CCSER1: variants seen among roughly 807,000 people sequenced by gnomAD.
CCSER1 encodes serine-rich coiled-coil domain-containing protein 1.
Under a neutral mutation model 82.0 loss-of-function variants are expected in CCSER1, and 41 were observed. The ratio of observed to expected loss-of-function variants is 0.50; its 90% CI spans 0.39 to 0.65. The LOEUF is 0.65. CCSER1 is among the 30% of genes least tolerant of loss of function. CCSER1 has a pLI of 0.00. For missense variants in CCSER1, 1,119 were observed against 1,064.2 expected (o/e 1.05, Z -0.72); for synonymous variants, 414 against 383.9 (o/e 1.08, Z -0.92).
intron 10 of CCSER1, among the ~76,000 whole-genome samples, chr4:91,451,058 G>A (rs532790084): frequency 1.7e-4 from 25 of 144,984 alleles, no homozygotes; most frequent in African/African-American, 6.3e-4. Context: ...GGCAGATTCA[G>A]TGTCCGGTGA....
chr4:91,021,041 CCCTT>C (rs1739913457), intron 9 of CCSER1, among the ~76,000 whole-genome samples: 1 of 152,036 alleles, frequency 6.6e-6, no homozygotes, highest in Non-Finnish European at 1.5e-5. Flanking sequence ...ACAGGTAACT[CCCTT>C]CCATTATGAG....
intron 8 of CCSER1, among the ~76,000 whole-genome samples, chr4:90,858,256 T>C (rs1764683533): frequency 6.6e-6 from 1 of 152,058 alleles, no homozygotes; most frequent in South Asian, 2.1e-4. Flanking sequence ...AAGAACGTAG[T>C]TGCCCACATT....
At chr4:91,084,858 T>G (rs1723202694) in intron 9 of CCSER1, among the ~76,000 whole-genome samples, 1 of 151,982 alleles carries the variant, frequency 6.6e-6, no homozygotes, top group African/African-American at 2.4e-5. Flanking sequence ...ATCTAAACAA[T>G]CAAGAAATGA....
At chr4:91,379,642 T>C (rs1750717507) in intron 10 of CCSER1, among the ~76,000 whole-genome samples, 1 of 152,192 alleles carries the variant, frequency 6.6e-6, no homozygotes, top group African/African-American at 2.4e-5. Context: ...TTCTTCTCTC[T>C]GCTTTATTCA....
chr4:90,404,473 C>G (rs146723056), intron 4 of CCSER1, among the ~76,000 whole-genome samples: 2 of 152,274 alleles, frequency 1.3e-5, no homozygotes, highest in East Asian at 3.9e-4. Context: ...AACCAAGTGT[C>G]CCTAGGGCAA....
intron 7 of CCSER1, among the ~76,000 whole-genome samples, chr4:90,810,182 G>C (rs1010107812): frequency 2.6e-5 from 4 of 152,038 alleles, no homozygotes; most frequent in African/African-American, 9.7e-5. Context: ...AGCTAGTCTT[G>C]AAGTCCTGGG....
chr4:90,657,528 C>T (rs544009291), intron 6 of CCSER1, among the ~76,000 whole-genome samples: 25 of 152,146 alleles, frequency 1.6e-4, no homozygotes, highest in Admixed American at 7.9e-4. Context: ...GATGTTACAC[C>T]GTATACCGTG....
chr4:91,297,058 G>C lies in CCSER1; in HGVS notation c.2217+211064G>C, dbSNP rs76793347. 9.1e-3 allele frequency among the ~76,000 whole-genome samples: 1,376 copies of C among 151,808 alleles called. 14 individuals are homozygous for C. Among genetic ancestry groups the C allele is most frequent in the Middle Eastern group, 0.044 (13 of 294 alleles). ...TATAGAGATGAGTGTATCCCAGGCAGAAGACAAAATTAAGCAAAGAATGTA... is the reference window on the plus strand; with the variant it reads ...TATAGAGATGAGTGTATCCCAGGCACAAGACAAAATTAAGCAAAGAATGTA... On this transcript the variant is annotated intron_variant, in intron 10 of 10. Transcript: ENST00000509176.
intron 9 of CCSER1, among the ~76,000 whole-genome samples, chr4:90,957,165 C>T (rs1213712610): frequency 6.6e-5 from 9 of 135,462 alleles, no homozygotes; most frequent in South Asian, 2.3e-4. Context: ...TGCAGTGGCG[C>T]GATCTCGGCT....
At chr4:90,567,174 T>C (rs1336286101) in intron 5 of CCSER1, among the ~76,000 whole-genome samples, 1 of 152,090 alleles carries the variant, frequency 6.6e-6, no homozygotes, top group Non-Finnish European at 1.5e-5. Flanking sequence ...TCTAGTATCC[T>C]GATTTTCAAC....
At chr4:90,805,423 C>G (rs1391782006) in intron 7 of CCSER1, among the ~76,000 whole-genome samples, 1 of 152,184 alleles carries the variant, frequency 6.6e-6, no homozygotes, top group Non-Finnish European at 1.5e-5. Context: ...AGCATGGCTA[C>G]TGGGTTCTTT....
intron 3 of CCSER1, among the ~76,000 whole-genome samples, chr4:90,373,569 A>C (rs113526960): frequency 0.016 from 2,416 of 152,294 alleles, 39 homozygotes; most frequent in African/African-American, 0.041. Flanking sequence ...CATTTTAATT[A>C]GGTCATTTAT....
At chr4:90,731,052 G>C (rs1437552343) in intron 7 of CCSER1, among the ~76,000 whole-genome samples, 1 of 151,062 alleles carries the variant, frequency 6.6e-6, no homozygotes, top group Non-Finnish European at 1.5e-5. Flanking sequence ...CTGAGTCAAG[G>C]CTCCTATAGT....
At chr4:90,233,186 C>G (rs138292442) in intron 1 of CCSER1, among the ~76,000 whole-genome samples, 1 of 152,010 alleles carries the variant, frequency 6.6e-6, no homozygotes, top group African/African-American at 2.4e-5. Flanking sequence ...ATGTTTATTG[C>G]GGCATTATTC....
intron 9 of CCSER1, among the ~76,000 whole-genome samples, chr4:91,038,053 C>T (rs1018797660): frequency 3.9e-5 from 6 of 152,000 alleles, no homozygotes; most frequent in African/African-American, 1.5e-4. Context: ...GTGGGCCTGA[C>T]AACTATATCA....
intron 10 of CCSER1, among the ~76,000 whole-genome samples, chr4:91,120,336 A>G (rs1345182657): frequency 2.6e-5 from 4 of 152,044 alleles, no homozygotes; most frequent in Non-Finnish European, 5.9e-5. Flanking sequence ...GTTCTGCTAT[A>G]TAATTACGTG....
intron 8 of CCSER1, among the ~76,000 whole-genome samples, chr4:90,917,766 C>T (rs1727721917): frequency 6.6e-6 from 1 of 152,018 alleles, no homozygotes; most frequent in African/African-American, 2.4e-5. Flanking sequence ...AAGTCCCTTA[C>T]AAGATGATGG....
At chr4:91,300,487 GC>G (rs1435811052) in intron 10 of CCSER1, among the ~76,000 whole-genome samples, 4 of 151,862 alleles carry the variant, frequency 2.6e-5, no homozygotes, top group Admixed American at 2.0e-4. Flanking sequence ...TGAGACATAT[GC>G]CTCAGGTAGA....
intron 10 of CCSER1, among the ~76,000 whole-genome samples, chr4:91,436,276 T>G (rs1754642984): frequency 6.6e-6 from 1 of 152,154 alleles, no homozygotes; most frequent in African/African-American, 2.4e-5. Context: ...GGTAGGATTT[T>G]AAATTAAGGT....
Sources: allele counts gnomAD v4.1 joint callset (sites outside exome capture counted in the v4.1 genomes callset), GRCh38; gene constraint gnomAD v4.1.1; transcripts MANE v1.5; gene names NCBI Gene and HGNC (gene_info 2026-07-23, HGNC 2026-07-21).